Variants in TFDP2 observed in about 807,000 individuals in gnomAD.
TFDP2 encodes the protein transcription factor Dp-2 (E2F dimerization partner 2).
TFDP2 carries 17 observed loss-of-function variants against 59.3 expected under a neutral mutation model. The ratio of observed to expected loss-of-function variants is 0.29; its 90% CI spans 0.20 to 0.43. The LOEUF is 0.43. TFDP2 is among the 20% of genes least tolerant of loss of function. The pLI, the probability that TFDP2 is intolerant of heterozygous loss-of-function variation, is 1.00. For missense variants in TFDP2, 391 were observed against 528.8 expected, an observed-to-expected ratio of 0.74 and a Z score of 2.56; for synonymous variants, 180 against 194.7, an observed-to-expected ratio of 0.92 and a Z score of 0.63.
At chr3:142,072,027 C>T (rs542983451) in intron 3 of TFDP2, among the ~76,000 whole-genome samples, 2 of 152,028 alleles carry the variant, frequency 1.3e-5, no homozygotes, top group Admixed American at 6.6e-5. Context: ...GGGGAGAATA[C>T]ACAAGGTGAG....
chr3:141,997,866 AAAAAG>A (rs1943418859), intron 4 of TFDP2, among the ~76,000 whole-genome samples: 2 of 151,562 alleles, frequency 1.3e-5, no homozygotes, highest in Admixed American at 1.3e-4. Flanking sequence ...AAAAAAAAAA[AAAAAG>A]AGAAAGAAAG....
At chr3:142,109,308 C>T (rs1033462108) in intron 1 of TFDP2, among the ~76,000 whole-genome samples, 1 of 151,728 alleles carries the variant, frequency 6.6e-6, no homozygotes, top group African/African-American at 2.4e-5. Flanking sequence ...TAACACATCA[C>T]ACATCTGAAA....
At chr3:141,972,570 C>T (rs1939927782) in intron 8 of TFDP2, among the ~76,000 whole-genome samples, 1 of 152,218 alleles carries the variant, frequency 6.6e-6, no homozygotes, top group African/African-American at 2.4e-5. Flanking sequence ...CATGTGGCAC[C>T]TCTGCCTTGA....
rs1257112201 is a variant in TFDP2, at chr3:142,149,398, G to A, written c.-308C>T. The A allele has an allele frequency of 2.6e-6, 1 of 385,312 alleles. No homozygotes were observed. The highest frequency in any genetic ancestry group is 4.6e-6 in the Non-Finnish European group (1 of 218,102). 23.9% of individuals were successfully genotyped at this position (385,312 alleles called of 1,614,324 possible). On this transcript the variant is annotated 5_prime_UTR_variant, in exon 1 of 13. Transcript: ENST00000489671. Reference sequence around the variant, plus strand: ...GCGCGCGCCCTCGAGCCTGCCCAAAGATGAAGGGTCAGGGCGCGCCCCGCG... The same window carrying A: ...GCGCGCGCCCTCGAGCCTGCCCAAAAATGAAGGGTCAGGGCGCGCCCCGCG...
intron 1 of TFDP2, among the ~76,000 whole-genome samples, chr3:142,120,400 T>C (rs1361897219): frequency 2.6e-5 from 4 of 152,092 alleles, no homozygotes; most frequent in African/African-American, 9.7e-5. Context: ...ATCAATGATA[T>C]AGTGTTACGT....
intron 1 of TFDP2, among the ~76,000 whole-genome samples, chr3:142,110,381 A>G (rs996657725): frequency 7.2e-5 from 11 of 151,962 alleles, no homozygotes; most frequent in Non-Finnish European, 1.3e-4. Context: ...GCAAGCGCCT[A>G]TAATCCCAGC....
chr3:142,114,164 C>CAA (rs397964940), intron 1 of TFDP2, among the ~76,000 whole-genome samples: 2 of 122,436 alleles, frequency 1.6e-5, no homozygotes, highest in Admixed American at 8.3e-5. Context: ...GAATCCGTCT[C>CAA]AAAAAAAAAA....
intron 6 of TFDP2, among the ~76,000 whole-genome samples, chr3:141,986,310 A>G (rs775125271): frequency 6.6e-6 from 1 of 152,244 alleles, no homozygotes; most frequent in Non-Finnish European, 1.5e-5. Flanking sequence ...ACATAAAGAA[A>G]AGTACGCAAA....
At chr3:142,067,409 AATAT>A (rs149996397) in intron 3 of TFDP2, among the ~76,000 whole-genome samples, 1 of 149,432 alleles carries the variant, frequency 6.7e-6, no homozygotes, top group African/African-American at 2.5e-5. Context: ...AAATCCAATA[AATAT>A]ATATATATAT....
intron 1 of TFDP2, among the ~76,000 whole-genome samples, chr3:142,124,514 T>C (rs1164875166): frequency 3.3e-5 from 5 of 152,258 alleles, no homozygotes; most frequent in African/African-American, 7.2e-5. Context: ...TGAGTAATCA[T>C]ATAGAAAAAA....
At chr3:141,982,377 TTTC>T (rs1354300687) in intron 6 of TFDP2, among the ~76,000 whole-genome samples, 12 of 152,118 alleles carry the variant, frequency 7.9e-5, no homozygotes, top group Admixed American at 2.0e-4. Flanking sequence ...TATATGCTTT[TTTC>T]TTCTTCTTTT....
At chr3:141,980,452 G>A (rs1465533548) in intron 6 of TFDP2, among the ~76,000 whole-genome samples, 1 of 151,844 alleles carries the variant, frequency 6.6e-6, no homozygotes, top group Non-Finnish European at 1.5e-5. Context: ...ATCAATTGTT[G>A]TTAACTACAG....
At chr3:141,952,826 T>G in intron 12 of TFDP2, 85 bp downstream of exon 12, 1 of 1,544,544 alleles carries the variant, frequency 6.5e-7, no homozygotes, top group South Asian at 1.1e-5. Context: ...GGACCTGTGC[T>G]GGCAGTAACA....
intron 1 of TFDP2, among the ~76,000 whole-genome samples, chr3:142,144,238 G>A (rs1285796579): frequency 1.3e-5 from 2 of 152,106 alleles, no homozygotes; most frequent in African/African-American, 4.8e-5. Context: ...GCCAGGTGTG[G>A]TGGCACATGC....
At chr3:142,025,733 C>T (rs1470852081) in intron 3 of TFDP2, among the ~76,000 whole-genome samples, 1 of 152,172 alleles carries the variant, frequency 6.6e-6, no homozygotes, top group Non-Finnish European at 1.5e-5. Flanking sequence ...TTACATGTTG[C>T]TATTCCTTAA....
chr3:142,123,786 A>C (rs2062136927), intron 1 of TFDP2, among the ~76,000 whole-genome samples: 1 of 152,226 alleles, frequency 6.6e-6, no homozygotes, highest in African/African-American at 2.4e-5. Context: ...ACTATTATTT[A>C]ACAGTGTTCT....
chr3:142,089,629 T>C (rs1307946729), intron 3 of TFDP2, among the ~76,000 whole-genome samples: 1 of 152,090 alleles, frequency 6.6e-6, no homozygotes, highest in Non-Finnish European at 1.5e-5. Flanking sequence ...CATAGGTTTA[T>C]ATCATATATA....
intron 1 of TFDP2, among the ~76,000 whole-genome samples, chr3:142,110,375 GC>G (rs751303429): frequency 9.1e-4 from 138 of 152,200 alleles, no homozygotes; most frequent in Middle Eastern, 3.4e-3. Context: ...GTGGCGGCAA[GC>G]GCCTATAATC....
At chr3:142,033,660 C>A (rs1251940544) in intron 3 of TFDP2, among the ~76,000 whole-genome samples, 1 of 152,152 alleles carries the variant, frequency 6.6e-6, no homozygotes, top group Non-Finnish European at 1.5e-5. Flanking sequence ...GAGATAATAC[C>A]TTTAGCCTTA....
Sources: allele counts gnomAD v4.1 joint callset (sites outside exome capture counted in the v4.1 genomes callset), GRCh38; gene constraint gnomAD v4.1.1; transcripts MANE v1.5; gene names NCBI Gene and HGNC (gene_info 2026-07-23, HGNC 2026-07-21).